Variants in ODF2 observed in about 807,000 individuals in gnomAD.
ODF2 encodes the protein outer dense fiber of sperm tails 2.
In ODF2, 47 loss-of-function variants were observed where a neutral mutation model predicts 110.2. That is an observed-to-expected ratio of 0.43 (90% CI 0.34 to 0.54). The LOEUF (loss-of-function observed/expected upper bound fraction) is 0.54. ODF2 is among the 20% of genes least tolerant of loss of function. ODF2 has a pLI of 0.03. For missense variants in ODF2, 812 were observed against 1,054.5 expected (o/e 0.77, Z 3.19); for synonymous variants, 352 against 397.7 (o/e 0.89, Z 1.37).
Position 128,457,438 on chromosome 9 carries a change from G to C in ODF2, c.32+1G>C. ...CCTCATCCTCAGGCGGCTCCCCCAG[G>C]TATTGCCGATGTGGGAGGCGCCTGC... On this transcript the variant is annotated splice_donor_variant, in intron 2 of 20. Coordinates refer to ENST00000604420, the Ensembl canonical transcript of ODF2. LOFTEE classifies it high-confidence loss of function. 6.2e-7 allele frequency: 1 copy of C among 1,610,548 alleles called. No individual in the cohort carries two copies. The highest frequency in any genetic ancestry group is 2.2e-5 in the East Asian group (1 of 44,762).
intron 5 of ODF2, among the ~76,000 whole-genome samples, chr9:128,470,976 C>A (rs1485399192): frequency 6.6e-6 from 1 of 151,512 alleles, no homozygotes; most frequent in Non-Finnish European, 1.5e-5. Context: ...GCAGTGGGCA[C>A]GATCTCGGCT....
upstream of ODF2, chr9:128,456,072 G>C (rs975533172): frequency 1.3e-6 from 2 of 1,511,068 alleles, no homozygotes; most frequent in African/African-American, 2.8e-5. Flanking sequence ...AGCGGCTCCC[G>C]GGGGGGTTTG....
At position 128,498,449 on chromosome 9, in the gene ODF2, C is replaced by T. The variant is rs370647409; in HGVS notation, c.2049C>T (p.Phe683=). Residue 683 remains phenylalanine (F), a synonymous_variant, in exon 19 of 21, where the codon TTC becomes TTT. Coordinates refer to ENST00000604420, the Ensembl canonical transcript of ODF2. ...CGACCAGTGCCCAGAATATCGAGTT[C>T]CTACAGGTGATTGCCAAGAGGGAGG... The T allele has an allele frequency of 6.8e-6, 11 of 1,611,572 alleles. No individual in the cohort carries two copies. The African/African-American group carries it at 9.3e-5, about 14-fold the overall frequency.
At position 128,494,176 on chromosome 9, in the gene ODF2, TTACTA is replaced by T. The variant is rs766013520; in HGVS notation, c.1753-329_1753-325del. Among the ~76,000 whole-genome samples the T allele has an allele frequency of 2.4e-4, 37 of 152,352 alleles. No homozygotes were observed. Among genetic ancestry groups the T allele is most frequent in the Non-Finnish European group, 4.9e-4 (33 of 68,026 alleles). ...GCAAATGACTTAGCTCTCTTGATGC[TTACTA>T]TACTTGTATGGGGACAGCATCACCT... On this transcript the variant is annotated intron_variant, in intron 16 of 20. Transcript: ENST00000604420. This position sits in a 1 kb window ranked among gnomAD's most constrained non-coding sequence, Gnocchi z 4.6.
At chr9:128,498,348 C>G in intron 18 of ODF2, 65 bp from the exon 19 acceptor site, 1 of 1,441,674 alleles carries the variant, frequency 6.9e-7, no homozygotes, top group African/African-American at 1.4e-5. Context: ...GCTGGCAGCC[C>G]CCTGGCGGGG....
intron 4 of ODF2, among the ~76,000 whole-genome samples, chr9:128,467,497 C>T (rs1435711928): frequency 6.6e-6 from 1 of 151,924 alleles, no homozygotes; most frequent in African/African-American, 2.4e-5. Flanking sequence ...GAAATCCCAG[C>T]ACTTTGGGAG....
In ODF2 at chr9:128,494,766, T is replaced by A. The variant is rs747357700; in HGVS notation, c.1911+98T>A. The A allele has an allele frequency of 5.6e-6, 9 of 1,607,416 alleles. No homozygotes were observed. The South Asian group carries it at 8.8e-5, about 16-fold the overall frequency. On this transcript the variant is annotated intron_variant, in intron 17 of 20. Coordinates refer to ENST00000604420, the Ensembl canonical transcript of ODF2. This position sits in a 1 kb window ranked among gnomAD's most constrained non-coding sequence, Gnocchi z 4.6. ...CCCCCAAGGGAGGACTACTTCCTTT[T>A]TCTTGGCTGCTGCTTTTTAAAAGGA...
At chr9:128,460,739 C>T (rs1836231791) in intron 3 of ODF2, 73 bp downstream of exon 3, 4 of 1,582,076 alleles carry the variant, frequency 2.5e-6, no homozygotes, top group Non-Finnish European at 2.6e-6. Flanking sequence ...CCTCCTCGCA[C>T]TCTGACTCCA....
chr9:128,492,026 C>T (rs1481202010), intron 14 of ODF2, among the ~76,000 whole-genome samples: 2 of 151,928 alleles, frequency 1.3e-5, no homozygotes, highest in African/African-American at 2.4e-5. Context: ...CCACCACGCC[C>T]GGCTAATTTT....
intron 5 of ODF2, 140 bp downstream of exon 5, chr9:128,469,493 C>G: frequency 1.2e-6 from 1 of 821,762 alleles, no homozygotes; most frequent in Non-Finnish European, 2.0e-6. Context: ...CTTCAGTTGC[C>G]TGCCCCGGGA....
At chr9:128,481,486 A>T in intron 8 of ODF2, 94 bp from the exon 9 acceptor site, 2 of 1,009,808 alleles carry the variant, frequency 2.0e-6, no homozygotes, top group Non-Finnish European at 2.9e-6. Flanking sequence ...AAAAAAAAAA[A>T]TACAATTTTT....
At chr9:128,499,228 T>C (rs1846157701) in intron 20 of ODF2, 102 bp downstream of exon 20, 1 of 1,381,070 alleles carries the variant, frequency 7.2e-7, no homozygotes, top group Non-Finnish European at 1.0e-6. Context: ...TTTGTGAATA[T>C]GACATGGTTT....
chr9:128,467,683 T>A (rs111401589), intron 4 of ODF2, among the ~76,000 whole-genome samples: 1 of 142,632 alleles, frequency 7.0e-6, no homozygotes, highest in Non-Finnish European at 1.5e-5. Context: ...AGGCGGAGGT[T>A]GCAGTGAGCC....
chr9:128,497,463 A>ATATATATATATATATATATATG (rs1564533203), intron 18 of ODF2: 11 of 102,088 alleles, frequency 1.1e-4, no homozygotes, highest in Non-Finnish European at 1.1e-4. Flanking sequence ...ATATATATAT[A>ATATATATATATATATATATATG]TATATATATA....
At position 128,486,871 on chromosome 9, in the gene ODF2, A is replaced by G. The variant is rs187443121; in HGVS notation, c.1401-1019A>G. ...GTGCTCAGGGCCCTGCTGGAGAGGAATGCCTGGGTGATAATCCCTGACCAC... is the reference window on the plus strand; with the variant it reads ...GTGCTCAGGGCCCTGCTGGAGAGGAGTGCCTGGGTGATAATCCCTGACCAC... On this transcript the variant is annotated intron_variant, in intron 13 of 20. Coordinates refer to ENST00000604420, the Ensembl canonical transcript of ODF2. 5.3e-5 allele frequency among the ~76,000 whole-genome samples: 8 copies of G among 152,304 alleles called. No homozygotes were observed. The East Asian group carries it at 1.5e-3, about 29-fold the overall frequency.
At chr9:128,497,254 G>A (rs1041415082) in intron 18 of ODF2, among the ~76,000 whole-genome samples, 4 of 150,518 alleles carry the variant, frequency 2.7e-5, no homozygotes, top group Non-Finnish European at 5.9e-5. Context: ...ACTTAGACCC[G>A]TGACTGTCTT....
intron 2 of ODF2, among the ~76,000 whole-genome samples, chr9:128,458,578 T>C (rs1835565555): frequency 6.7e-6 from 1 of 149,774 alleles, no homozygotes; most frequent in Admixed American, 6.7e-5. Context: ...AGACTTTTGC[T>C]CTCTCTCTTT....
At chr9:128,498,158 C>T (rs1273101337) in intron 18 of ODF2, 2 of 338,318 alleles carry the variant, frequency 5.9e-6, no homozygotes, top group Non-Finnish European at 1.1e-5. Context: ...CCATGTGATG[C>T]TATCCACACT....
intron 5 of ODF2, among the ~76,000 whole-genome samples, chr9:128,469,672 G>C (rs575098165): frequency 1.3e-5 from 2 of 152,156 alleles, no homozygotes; most frequent in East Asian, 3.9e-4. Context: ...TAGGAAACTA[G>C]GGCCTATGCC....
Sources: allele counts gnomAD v4.1 joint callset (sites outside exome capture counted in the v4.1 genomes callset), GRCh38; gene constraint gnomAD v4.1.1; non-coding constraint Gnocchi (gnomAD v3.1); transcripts MANE v1.5; gene names NCBI Gene and HGNC (gene_info 2026-07-23, HGNC 2026-07-21).